The following GNB5 variants were observed in gnomAD, a reference collection of about 807,000 sequenced individuals.
The protein encoded by GNB5 is G protein subunit beta 5, also known as guanine nucleotide-binding protein subunit beta-5.
GNB5 carries 37 observed loss-of-function variants against 55.3 expected under a neutral mutation model. The observed-to-expected ratio is 0.67, with a 90% CI of 0.51 to 0.88. The LOEUF (loss-of-function observed/expected upper bound fraction) is 0.88, where lower values mean the gene tolerates loss of function less well. Among genes scored for constraint, GNB5 ranks in the 40% least tolerant of loss-of-function variants. The probability of loss-of-function intolerance (pLI) is 0.00; values close to 1 mark genes in which losing one functional copy is unlikely to be tolerated. For synonymous variants in GNB5, 219 were observed against 198.5 expected, an observed-to-expected ratio of 1.10 and a Z score of -0.87; for missense variants, 476 against 515.3, an observed-to-expected ratio of 0.92 and a Z score of 0.74.
chr15:52,155,071 T>C (rs931901001), intron 3 of GNB5, among the ~76,000 whole-genome samples: 1 of 152,188 alleles, frequency 6.6e-6, no homozygotes, highest in African/African-American at 2.4e-5. Flanking sequence ...AGGGATCCCA[T>C]GGCCACTCTC....
intron 3 of GNB5, among the ~76,000 whole-genome samples, chr15:52,157,182 A>C (rs12908742): frequency 0.16 from 24,222 of 151,358 alleles, 2,233 homozygotes; most frequent in Admixed American, 0.27. Flanking sequence ...GTGATCCGCC[A>C]GCCTCGGCCT....
intron 3 of GNB5, among the ~76,000 whole-genome samples, chr15:52,168,567 G>A (rs113206993): frequency 0.036 from 5,404 of 152,156 alleles, 289 homozygotes; most frequent in African/African-American, 0.12. Context: ...GATTCAATGC[G>A]ATTCCCATTA....
chr15:52,181,853 T>C (rs935956397), intron 2 of GNB5, among the ~76,000 whole-genome samples: 4 of 151,876 alleles, frequency 2.6e-5, no homozygotes, highest in African/African-American at 9.7e-5. Flanking sequence ...ATAAAAAATA[T>C]ATAAAATATA....
chr15:52,139,977 A>G, intron 7 of GNB5: 1 of 1,261,262 alleles, frequency 7.9e-7, no homozygotes. Context: ...CCTCAGGCCC[A>G]AAGACATCTC....
At chr15:52,189,148 T>C (rs2034884861) in intron 1 of GNB5, among the ~76,000 whole-genome samples, 1 of 152,230 alleles carries the variant, frequency 6.6e-6, no homozygotes, top group East Asian at 1.9e-4. Flanking sequence ...AAAAGGACCT[T>C]CATACATTGC....
rs536229913 is a variant in GNB5, at chr15:52,118,325, T to C, written c.*4432A>G. On this transcript the variant is annotated 3_prime_UTR_variant, in exon 13 of 13. Coordinates refer to ENST00000261837, the MANE Select transcript of GNB5 (RefSeq NM_016194.4). ...TCCCTGAGACCCTTTCAGGGGGTCCTCACGGTCAAAACTATTTTCATAATA... is the reference window on the plus strand; with the variant it reads ...TCCCTGAGACCCTTTCAGGGGGTCCCCACGGTCAAAACTATTTTCATAATA... 6.6e-6 allele frequency: 1 copy of C among 151,914 alleles called. No homozygotes were observed. Among genetic ancestry groups the C allele is most frequent in the South Asian group, 2.1e-4 (1 of 4,800 alleles). The allele number at this position is 151,914 out of a possible 1,614,324, so 9.4% of individuals were successfully genotyped here.
chr15:52,119,458 T>TGGGAGGGAGGGAGGAGGAGAG lies in GNB5; in HGVS notation c.*3298_*3299insCTCTCCTCCTCCCTCCCTCCC, dbSNP rs2033214813. ...GAGATGGGAGGGAGGGAGGAGGAGA[T>TGGGAGGGAGGGAGGAGGAGAG]GGGAGGGAGGGAGGGGGAAATGGGA... is the stretch of plus-strand genomic sequence containing the variant. On this transcript the variant is annotated 3_prime_UTR_variant, in exon 13 of 13. Transcript: ENST00000261837. 2 of 9,730 alleles carry TGGGAGGGAGGGAGGAGGAGAG rather than the reference T, an allele frequency of 2.1e-4. No individual in the cohort carries two copies. Among genetic ancestry groups the TGGGAGGGAGGGAGGAGGAGAG allele is most frequent in the East Asian group, 3.0e-3 (1 of 334 alleles). 0.6% of individuals were successfully genotyped at this position (9,730 alleles called of 1,614,324 possible). A position where few individuals can be genotyped will look rare whatever the true frequency, so the allele number is the denominator to read the frequency against.
intron 4 of GNB5, among the ~76,000 whole-genome samples, chr15:52,153,351 T>A (rs2034140420): frequency 6.6e-6 from 1 of 152,142 alleles, no homozygotes; most frequent in Admixed American, 6.5e-5. Context: ...CCGACCAACA[T>A]CTTCACACAA....
At chr15:52,181,624 C>A (rs1038112196) in intron 2 of GNB5, among the ~76,000 whole-genome samples, 15 of 151,834 alleles carry the variant, frequency 9.9e-5, no homozygotes, top group African/African-American at 3.2e-4. Context: ...AAAACAAAAA[C>A]AAAAACAAAA....
chr15:52,133,571 C>A, intron 8 of GNB5, 102 bp from the exon 9 acceptor site: 2 of 761,898 alleles, frequency 2.6e-6, no homozygotes, highest in Non-Finnish European at 4.6e-6. Context: ...TTCCCATTAG[C>A]AAATGGTTGA....
chr15:52,150,921 CTTT>C lies in GNB5; in HGVS notation c.376-999_376-997del, dbSNP rs138585232. Among the ~76,000 whole-genome samples the C allele has an allele frequency of 2.0e-3, 309 of 152,292 alleles. 8 individuals are homozygous for C. The highest frequency in any genetic ancestry group is 0.014 in the East Asian group (75 of 5,186). The stretch of plus-strand genomic sequence containing the variant: ...ATCACTCAAGCCATCTGGGGCCAAA[CTTT>C]GGTGAATGAGGTGGCAGAGATATGG... On this transcript the variant is annotated intron_variant, in intron 4 of 12. Transcript: ENST00000261837.
chr15:52,155,538 A>G (rs773211663), intron 3 of GNB5, among the ~76,000 whole-genome samples: 1 of 152,216 alleles, frequency 6.6e-6, no homozygotes, highest in Non-Finnish European at 1.5e-5. Context: ...TAATCTACAG[A>G]CTTATTGAGA....
intron 3 of GNB5, among the ~76,000 whole-genome samples, chr15:52,156,634 G>C (rs1430419075): frequency 1.3e-5 from 2 of 152,194 alleles, no homozygotes; most frequent in Non-Finnish European, 2.9e-5. Flanking sequence ...GGGAGGCCGA[G>C]GTGGGAGAAC....
intron 1 of GNB5, among the ~76,000 whole-genome samples, chr15:52,189,376 T>A (rs1055596994): frequency 6.6e-6 from 1 of 152,022 alleles, no homozygotes; most frequent in African/African-American, 2.4e-5. Context: ...GGCGGGTAGA[T>A]CACCTGAGGT....
At chr15:52,164,219 A>T (rs1331374669) in intron 3 of GNB5, among the ~76,000 whole-genome samples, 1 of 150,760 alleles carries the variant, frequency 6.6e-6, no homozygotes, top group African/African-American at 2.4e-5. Flanking sequence ...GAGGCAGGAG[A>T]ATCGCTTGAA....
chr15:52,151,640 C>A (rs1348574056), intron 4 of GNB5, among the ~76,000 whole-genome samples: 2 of 152,170 alleles, frequency 1.3e-5, no homozygotes, highest in Admixed American at 6.5e-5. Flanking sequence ...GTGTGCCCAG[C>A]CCTGCTGAAG....
At chr15:52,125,145 C>A in intron 11 of GNB5, 1 of 152,912 alleles carries the variant, frequency 6.5e-6, no homozygotes, top group Non-Finnish European at 1.5e-5. Flanking sequence ...TGGAGTGGTC[C>A]AGGTAGCCAG....
chr15:52,186,478 T>C (rs2034848076), intron 1 of GNB5, among the ~76,000 whole-genome samples: 1 of 152,120 alleles, frequency 6.6e-6, no homozygotes, highest in African/African-American at 2.4e-5. Flanking sequence ...GGAGCTGGAT[T>C]TGGCATGTGG....
intron 4 of GNB5, among the ~76,000 whole-genome samples, chr15:52,151,590 T>C (rs1395120100): frequency 1.3e-5 from 2 of 152,104 alleles, no homozygotes; most frequent in Non-Finnish European, 2.9e-5. Flanking sequence ...CACACCCACA[T>C]CCACCTCTTC....
Sources: allele counts gnomAD v4.1 joint callset (sites outside exome capture counted in the v4.1 genomes callset), GRCh38; gene constraint gnomAD v4.1.1; transcripts MANE v1.5; gene names NCBI Gene and HGNC (gene_info 2026-07-23, HGNC 2026-07-21).